Variants in SLCO3A1 observed in about 807,000 individuals in gnomAD.
The protein encoded by SLCO3A1 is solute carrier organic anion transporter family member 3A1.
A neutral mutation model predicts 63.1 loss-of-function variants in SLCO3A1; 27 were observed. That is an observed-to-expected ratio of 0.43 (90% CI 0.32 to 0.59). SLCO3A1 has a LOEUF of 0.59. Among genes scored for constraint, SLCO3A1 ranks in the 20% least tolerant of loss-of-function variants. SLCO3A1 has a pLI of 0.09. For synonymous variants in SLCO3A1, 473 were observed against 409.9 expected, an observed-to-expected ratio of 1.15 and a Z score of -1.86; for missense variants, 773 against 945.8, an observed-to-expected ratio of 0.82 and a Z score of 2.40.
chr15:92,153,670 G>C (rs963420764), intron 9 of SLCO3A1: 1 of 152,470 alleles, frequency 6.6e-6, no homozygotes, highest in African/African-American at 2.4e-5. Context: ...GGAATATGTA[G>C]AAGGGCCTCC....
intron 2 of SLCO3A1, among the ~76,000 whole-genome samples, chr15:92,053,060 A>G (rs940208369): frequency 2.0e-5 from 3 of 152,164 alleles, no homozygotes; most frequent in African/African-American, 7.2e-5. Flanking sequence ...GTTTTAAGGC[A>G]TGTATCTTAT....
In SLCO3A1 at chr15:92,165,368, G is replaced by A. The variant is rs1306951823; in HGVS notation, c.*2233G>A. On this transcript the variant is annotated 3_prime_UTR_variant, in exon 10 of 10. Transcript: ENST00000318445. ...GTTCCTAAGGCTTTGATAATATCCT[G>A]TACAGATTTTGGTTTAGTTTTGCAA... 15 of 985,044 alleles carry A rather than the reference G, an allele frequency of 1.5e-5. No homozygotes were observed. Among genetic ancestry groups the A allele is most frequent in the Non-Finnish European group, 1.8e-5 (15 of 829,754 alleles). 61.0% of individuals were successfully genotyped at this position (985,044 alleles called of 1,614,324 possible).
intron 2 of SLCO3A1, among the ~76,000 whole-genome samples, chr15:92,075,921 G>A (rs1296172142): frequency 3.3e-5 from 5 of 152,180 alleles, no homozygotes; most frequent in African/African-American, 9.7e-5. Context: ...TTTATGACTT[G>A]TCTTCAATCT....
At chr15:92,035,675 C>A (rs1597244601) in intron 2 of SLCO3A1, among the ~76,000 whole-genome samples, 1 of 151,856 alleles carries the variant, frequency 6.6e-6, no homozygotes, top group Non-Finnish European at 1.5e-5. Flanking sequence ...GAGCCCCAGA[C>A]CTTTAGGACC....
rs1401905965 is a variant in SLCO3A1 at position 91,954,842 on chromosome 15, C to T, written c.646+38384C>T. ...AGACACCATACCCTGAACCGCCCCC[C>T]GTGGTCTCCCGCTGCTTTCTGCCAC... On this transcript the variant is annotated intron_variant, in intron 2 of 9. Coordinates refer to ENST00000318445, the MANE Select transcript of SLCO3A1 (RefSeq NM_013272.4). The surrounding 1 kb of genome is among the most constrained non-coding windows in gnomAD (Gnocchi z 4.7). Among the ~76,000 whole-genome samples, 3 of 152,072 alleles carry T rather than the reference C, an allele frequency of 2.0e-5. No homozygotes were observed. The highest frequency in any genetic ancestry group is 2.1e-4 in the South Asian group (1 of 4,816).
Position 91,862,156 on chromosome 15 carries a change from A to AT in SLCO3A1, c.180+8074dup, listed in dbSNP as rs1469960315. Among the ~76,000 whole-genome samples, 2 of 149,536 alleles carry AT rather than the reference A, an allele frequency of 1.3e-5. No individual in the cohort carries two copies. The highest frequency in any genetic ancestry group is 3.0e-5 in the Non-Finnish European group (2 of 67,710). On this transcript the variant is annotated intron_variant, in intron 1 of 9. Coordinates refer to ENST00000318445, the MANE Select transcript of SLCO3A1 (RefSeq NM_013272.4). This position sits in a 1 kb window ranked among gnomAD's most constrained non-coding sequence, Gnocchi z 4.0. ...TGTAATGATGAAGTCTTATTTTTTT[A>AT]TTTTTTATTTTTTTTTTGAGACAGT...
chr15:91,935,544 G>A (rs1023831599), intron 2 of SLCO3A1, among the ~76,000 whole-genome samples: 1 of 152,150 alleles, frequency 6.6e-6, no homozygotes, highest in Non-Finnish European at 1.5e-5. Flanking sequence ...GATGGGAATT[G>A]TTGAGTTCAA....
chr15:92,006,135 CAG>C lies in SLCO3A1; in HGVS notation c.647-88744_647-88743del, dbSNP rs141235227. 4.4e-3 allele frequency among the ~76,000 whole-genome samples: 669 copies of C among 152,222 alleles called. 5 individuals carry two copies. The highest frequency in any genetic ancestry group is 0.015 in the African/African-American group (639 of 41,534). ...TTTATAAAGCCTAGAAAGCAACAAT[CAG>C]AAAATATTAAATTCAGAGGTTAATT... On this transcript the variant is annotated intron_variant, in intron 2 of 9. Transcript: ENST00000318445.
chr15:92,020,500 C>G (rs2046495708), intron 2 of SLCO3A1, among the ~76,000 whole-genome samples: 1 of 152,234 alleles, frequency 6.6e-6, no homozygotes, highest in Non-Finnish European at 1.5e-5. Context: ...TTTGGGCTAA[C>G]TAGCATTGAA....
chr15:92,114,702 C>A (rs937918880), intron 4 of SLCO3A1, among the ~76,000 whole-genome samples: 2 of 152,152 alleles, frequency 1.3e-5, no homozygotes, highest in Non-Finnish European at 2.9e-5. Context: ...TCTCTGTTCT[C>A]TTCTGTCTGT....
At chr15:92,048,614 G>A (rs2046918923) in intron 2 of SLCO3A1, among the ~76,000 whole-genome samples, 1 of 152,100 alleles carries the variant, frequency 6.6e-6, no homozygotes, top group African/African-American at 2.4e-5. Context: ...ATGTCTGCTG[G>A]GGAGGTAACC....
chr15:91,911,184 T>C (rs956017586), intron 1 of SLCO3A1, among the ~76,000 whole-genome samples: 1 of 152,216 alleles, frequency 6.6e-6, no homozygotes, highest in African/African-American at 2.4e-5. Context: ...CTCCCAGAAA[T>C]GCATCCCAAC....
In SLCO3A1 at chr15:92,165,447, G is replaced by A. The variant is rs894867908; in HGVS notation, c.*2312G>A. 2 of 984,630 alleles carry A rather than the reference G, an allele frequency of 2.0e-6. No individual in the cohort carries two copies. The highest frequency in any genetic ancestry group is 3.5e-5 in the African/African-American group (2 of 57,090). The allele number at this position is 984,630 out of a possible 1,614,324, so 61.0% of individuals were successfully genotyped here. On this transcript the variant is annotated 3_prime_UTR_variant, in exon 10 of 10. Transcript: ENST00000318445. ...ATTATTGCTTGGCCCTTCAAACTCA[G>A]TACACACACACTGAGGCCCTTTGAC...
At chr15:91,988,148 A>G (rs760126206) in intron 2 of SLCO3A1, among the ~76,000 whole-genome samples, 2 of 152,120 alleles carry the variant, frequency 1.3e-5, no homozygotes, top group Non-Finnish European at 2.9e-5. Flanking sequence ...CACGCCTATA[A>G]TTCTAGCACT....
At chr15:92,156,122 G>A (rs957118788) in intron 9 of SLCO3A1, among the ~76,000 whole-genome samples, 2 of 152,188 alleles carry the variant, frequency 1.3e-5, no homozygotes, top group Non-Finnish European at 2.9e-5. Flanking sequence ...TTCCTGCTGT[G>A]AGCATCGTCT....
intron 9 of SLCO3A1, among the ~76,000 whole-genome samples, chr15:92,151,936 C>T (rs1160894952): frequency 6.6e-6 from 1 of 152,188 alleles, no homozygotes; most frequent in Non-Finnish European, 1.5e-5. Context: ...AAAAGCCCAA[C>T]AGCAGACAAT....
rs921133822 is a variant in SLCO3A1, at chr15:91,967,873, G to T, written c.646+51415G>T. 6.6e-6 allele frequency among the ~76,000 whole-genome samples: 1 copy of T among 152,162 alleles called. No homozygotes were observed. Among genetic ancestry groups the T allele is most frequent in the African/African-American group, 2.4e-5 (1 of 41,446 alleles). ...GGCTCTTTCCTTGTCTGCTTTGTCT[G>T]CAGGATTCAGCACCAAGAGCTCTCA... On this transcript the variant is annotated intron_variant, in intron 2 of 9. Transcript: ENST00000318445. The surrounding 1 kb of genome is among the most constrained non-coding windows in gnomAD (Gnocchi z 4.4).
intron 5 of SLCO3A1, 55 bp from the exon 6 acceptor site, chr15:92,126,004 CTG>C: frequency 6.7e-7 from 1 of 1,499,694 alleles, no homozygotes; most frequent in South Asian, 1.1e-5. Flanking sequence ...GCCCGCCTGT[CTG>C]TAGACTGGCC....
At chr15:91,939,678 C>T (rs1899549057) in intron 2 of SLCO3A1, among the ~76,000 whole-genome samples, 1 of 152,148 alleles carries the variant, frequency 6.6e-6, no homozygotes, top group African/African-American at 2.4e-5. Context: ...TTCCCTCCTC[C>T]TCTGCAGCAT....
Sources: gnomAD v4.1 joint callset for allele counts (sites outside exome capture counted in the v4.1 genomes callset) on GRCh38, gnomAD v4.1.1 for gene constraint, Gnocchi (gnomAD v3.1) non-coding constraint, MANE v1.5 for transcripts, NCBI Gene and HGNC (gene_info 2026-07-23, HGNC 2026-07-21) for gene names.